MACROH2A2: variants seen among roughly 807,000 people sequenced by gnomAD.
The protein encoded by MACROH2A2 is core histone macro-H2A.2.
A neutral mutation model predicts 37.6 loss-of-function variants in MACROH2A2; 6 were observed. That is an observed-to-expected ratio of 0.16 (90% CI 0.09 to 0.32). MACROH2A2 has a LOEUF of 0.32. MACROH2A2 is among the 10% of genes least tolerant of loss of function. The probability of loss-of-function intolerance (pLI) is 1.00; values close to 1 mark genes in which losing one functional copy is unlikely to be tolerated. For synonymous variants in MACROH2A2, 192 were observed against 202.7 expected, an observed-to-expected ratio of 0.95 and a Z score of 0.45; for missense variants, 290 against 485.9, an observed-to-expected ratio of 0.60 and a Z score of 3.79.
chr10:70,079,103 G>A (rs1374660321), intron 2 of MACROH2A2, among the ~76,000 whole-genome samples: 1 of 152,214 alleles, frequency 6.6e-6, no homozygotes, highest in African/African-American at 2.4e-5. Context: ...ATCAGGTGCT[G>A]TCGGGCAGGG....
chr10:70,080,082 C>G (rs1038237125), intron 2 of MACROH2A2, among the ~76,000 whole-genome samples: 1 of 151,988 alleles, frequency 6.6e-6, no homozygotes, highest in Non-Finnish European at 1.5e-5. Flanking sequence ...GAGTTCGAGA[C>G]CAGCCTGACC....
intron 8 of MACROH2A2, among the ~76,000 whole-genome samples, chr10:70,110,348 G>A (rs928978989): frequency 1.3e-5 from 2 of 152,062 alleles, no homozygotes; most frequent in South Asian, 2.1e-4. Context: ...CGCCATGCCC[G>A]GAGTCACAAT....
rs1235476492 is a variant in MACROH2A2, at chr10:70,053,799, A to G, written c.-60+799A>G. ...CGGCCCGGCCGTGGCTCGCCTGGGC[A>G]GTCTGGCTCCCGCTTTGCGCGGGAA... On this transcript the variant is annotated intron_variant, in intron 1 of 8. Transcript: ENST00000373255. The surrounding 1 kb of genome is among the most constrained non-coding windows in gnomAD (Gnocchi z 4.8). Among the ~76,000 whole-genome samples the G allele has an allele frequency of 1.3e-5, 2 of 151,958 alleles. No individual in the cohort carries two copies. The highest frequency in any genetic ancestry group is 2.9e-5 in the Non-Finnish European group (2 of 67,960).
intron 4 of MACROH2A2, among the ~76,000 whole-genome samples, chr10:70,092,376 T>C (rs1352608756): frequency 6.6e-6 from 1 of 152,108 alleles, no homozygotes; most frequent in East Asian, 1.9e-4. Context: ...GAGGCTGCAG[T>C]GAGCCATGAT....
rs536021532 is a variant in MACROH2A2 at position 70,070,488 on chromosome 10, T to TTTTG, written c.-59-5096_-59-5093dup. Among the ~76,000 whole-genome samples, 854 of 152,140 alleles carry TTTTG rather than the reference T, an allele frequency of 5.6e-3. 11 individuals are homozygous for TTTTG. Among genetic ancestry groups the TTTTG allele is most frequent in the African/African-American group, 0.019 (797 of 41,500 alleles). ...CTATTTTATCTTCATGAGTGTTGAGTTTTGTTTGTTTGTTTGTTTTTGAGA... is the reference window on the plus strand; with the variant it reads ...CTATTTTATCTTCATGAGTGTTGAGTTTTGTTTGTTTGTTTGTTTGTTTTTGAGA... On this transcript the variant is annotated intron_variant, in intron 1 of 8. Coordinates refer to ENST00000373255, the MANE Select transcript of MACROH2A2 (RefSeq NM_018649.3).
chr10:70,056,747 T>G (rs542452880), intron 1 of MACROH2A2, among the ~76,000 whole-genome samples: 1 of 152,290 alleles, frequency 6.6e-6, no homozygotes, highest in Non-Finnish European at 1.5e-5. Flanking sequence ...AACATGATTA[T>G]GAGATTCCCT....
rs1185160546 is a variant in MACROH2A2, at chr10:70,109,540, A to G, written c.953+333A>G. Among the ~76,000 whole-genome samples, 5 of 152,206 alleles carry G rather than the reference A, an allele frequency of 3.3e-5. No individual in the cohort carries two copies. In the East Asian group the frequency reaches 9.6e-4, roughly 29 times the overall value. On this transcript the variant is annotated intron_variant, in intron 8 of 8. Coordinates refer to ENST00000373255, the MANE Select transcript of MACROH2A2 (RefSeq NM_018649.3). ...TGAGAGCCTTCCAGGTTCAAAGTCC[A>G]TATTCCCACCAGCTGTCCATGTCCA...
intron 7 of MACROH2A2, among the ~76,000 whole-genome samples, chr10:70,103,566 T>C (rs1222622058): frequency 6.6e-6 from 1 of 152,124 alleles, no homozygotes; most frequent in African/African-American, 2.4e-5. Context: ...AAGCATTATT[T>C]AAGGAGATCG....
chr10:70,096,873 A>G (rs2072279507), intron 6 of MACROH2A2, among the ~76,000 whole-genome samples: 1 of 152,092 alleles, frequency 6.6e-6, no homozygotes, highest in South Asian at 2.1e-4. Context: ...CAGCCCTGGG[A>G]AAAGTCAGCA....
At chr10:70,077,332 C>G (rs2072145469) in intron 2 of MACROH2A2, among the ~76,000 whole-genome samples, 1 of 152,154 alleles carries the variant, frequency 6.6e-6, no homozygotes, top group Admixed American at 6.5e-5. Context: ...CTTTGGGAAG[C>G]TGAGGCGGGT....
Position 70,077,456 on chromosome 10 carries a change from C to A in MACROH2A2, c.172+1626C>A, listed in dbSNP as rs551349090. ...GATGGCAGCTACTGGGATTACAGGC[C>A]GGTAATCCCAGCTACTTGGGAGGCT... On this transcript the variant is annotated intron_variant, in intron 2 of 8. Transcript: ENST00000373255. Among the ~76,000 whole-genome samples the A allele has an allele frequency of 4.6e-5, 7 of 152,136 alleles. No individual in the cohort carries two copies. The East Asian group carries it at 1.4e-3, about 30-fold the overall frequency.
Position 70,059,650 on chromosome 10 carries a change from C to T in MACROH2A2, c.-60+6650C>T, listed in dbSNP as rs1038017500. On this transcript the variant is annotated intron_variant, in intron 1 of 8. Transcript: ENST00000373255. ...CCTCCCAAAGTGTTGGGATTACAGG[C>T]GTGAGCCACCGCGCCTGGCCTCCTA... Among the ~76,000 whole-genome samples, 9 of 152,242 alleles carry T rather than the reference C, an allele frequency of 5.9e-5. No homozygotes were observed. The East Asian group carries it at 7.7e-4, about 13-fold the overall frequency.
chr10:70,089,187 A>G (rs2072229062), intron 2 of MACROH2A2, among the ~76,000 whole-genome samples: 1 of 152,238 alleles, frequency 6.6e-6, no homozygotes, highest in African/African-American at 2.4e-5. Flanking sequence ...TATTCTCTTC[A>G]GAGATGGCCC....
At chr10:70,055,543 G>T (rs538751615) in intron 1 of MACROH2A2, among the ~76,000 whole-genome samples, 1 of 144,134 alleles carries the variant, frequency 6.9e-6, no homozygotes, top group African/African-American at 2.5e-5. Context: ...GATAGGGAAA[G>T]AAATGAAATA....
chr10:70,084,268 AC>A (rs1269427853), intron 2 of MACROH2A2, among the ~76,000 whole-genome samples: 1 of 152,250 alleles, frequency 6.6e-6, no homozygotes, highest in Non-Finnish European at 1.5e-5. Context: ...TGCAGGTTGT[AC>A]ACGGCACAAG....
chr10:70,066,875 T>C lies in MACROH2A2; in HGVS notation c.-59-8725T>C, dbSNP rs377585390. On this transcript the variant is annotated intron_variant, in intron 1 of 8. Transcript: ENST00000373255. Reference sequence around the variant, plus strand: ...ACTGCCTTCTTGTTTCAGCTCACAATGCAATCAAGTGCCCTTTCCATGCCC... The same window carrying C: ...ACTGCCTTCTTGTTTCAGCTCACAACGCAATCAAGTGCCCTTTCCATGCCC... Among the ~76,000 whole-genome samples the C allele has an allele frequency of 3.9e-5, 6 of 152,180 alleles. No homozygotes were observed. The East Asian group carries it at 1.2e-3, about 29-fold the overall frequency.
intron 7 of MACROH2A2, among the ~76,000 whole-genome samples, chr10:70,100,720 G>A (rs922434542): frequency 6.7e-6 from 1 of 149,364 alleles, no homozygotes; most frequent in African/African-American, 2.5e-5. Context: ...AAGTTCAAAC[G>A]ATTCTTGTGC....
At chr10:70,088,195 ACACT>A (rs1329936287) in intron 2 of MACROH2A2, among the ~76,000 whole-genome samples, 1 of 150,234 alleles carries the variant, frequency 6.7e-6, no homozygotes, top group East Asian at 1.9e-4. Context: ...GCCCGCCTGC[ACACT>A]CACACACACA....
intron 5 of MACROH2A2, 106 bp from the exon 6 acceptor site, chr10:70,095,548 A>C: frequency 1.5e-6 from 1 of 652,312 alleles, no homozygotes; most frequent in Non-Finnish European, 2.8e-6. Flanking sequence ...CTATGTTGAC[A>C]TTGGGTATGA....
Sources: gnomAD v4.1 joint callset for allele counts (sites outside exome capture counted in the v4.1 genomes callset) on GRCh38, gnomAD v4.1.1 for gene constraint, Gnocchi (gnomAD v3.1) non-coding constraint, MANE v1.5 for transcripts, NCBI Gene and HGNC (gene_info 2026-07-23, HGNC 2026-07-21) for gene names.